The following PCBP3 variants were observed in gnomAD, a reference collection of about 807,000 sequenced individuals.
PCBP3 encodes poly(rC)-binding protein 3.
Under a neutral mutation model 52.7 loss-of-function variants are expected in PCBP3, and 25 were observed. That is an observed-to-expected ratio of 0.47 (90% CI 0.35 to 0.66). The LOEUF is 0.66. Among genes scored for constraint, PCBP3 ranks in the 30% least tolerant of loss-of-function variants. PCBP3 has a pLI of 0.01. For missense variants in PCBP3, 391 were observed against 490.3 expected (o/e 0.80, Z 1.91); for synonymous variants, 162 against 183.0 (o/e 0.89, Z 0.93).
chr21:45,933,120 T>A (rs1306388114), intron 15 of PCBP3, among the ~76,000 whole-genome samples: 4 of 152,026 alleles, frequency 2.6e-5, no homozygotes, highest in Non-Finnish European at 5.9e-5. Flanking sequence ...CATCCTGAGA[T>A]GAATGAACAC....
intron 1 of PCBP3, among the ~76,000 whole-genome samples, chr21:45,649,860 C>T (rs1306989340): frequency 6.6e-6 from 1 of 151,456 alleles, no homozygotes; most frequent in Non-Finnish European, 1.5e-5. Context: ...TTAATAAAAG[C>T]TTTTTAAAAA....
intron 4 of PCBP3, among the ~76,000 whole-genome samples, chr21:45,779,073 C>G (rs996826725): frequency 6.6e-6 from 1 of 152,224 alleles, no homozygotes; most frequent in Non-Finnish European, 1.5e-5. Flanking sequence ...AGCTTGTTCC[C>G]CAGTCCCAGC....
chr21:45,647,740 G>C (rs770800633), intron 1 of PCBP3, among the ~76,000 whole-genome samples: 2 of 152,144 alleles, frequency 1.3e-5, no homozygotes, highest in Non-Finnish European at 2.9e-5. Flanking sequence ...GGAGATGGAG[G>C]GGGGTGAAAG....
intron 4 of PCBP3, among the ~76,000 whole-genome samples, chr21:45,846,354 CTG>C (rs767878808): frequency 1.3e-5 from 2 of 151,808 alleles, no homozygotes; most frequent in Non-Finnish European, 2.9e-5. Flanking sequence ...CTGCTGTCTG[CTG>C]TCTGTGCCAT....
chr21:45,877,032 A>G (rs983641900), intron 5 of PCBP3, among the ~76,000 whole-genome samples: 1 of 152,250 alleles, frequency 6.6e-6, no homozygotes, highest in Non-Finnish European at 1.5e-5. Flanking sequence ...CTACACTCCA[A>G]GGCATCTCTA....
At chr21:45,759,937 G>A (rs984433508) in intron 4 of PCBP3, 2 of 152,140 alleles carry the variant, frequency 1.3e-5, no homozygotes, top group African/African-American at 4.8e-5. Context: ...GCTTCTTACT[G>A]GCACCAGTGG....
Position 45,883,094 on chromosome 21 carries a change from T to C in PCBP3, c.11-13114T>C, listed in dbSNP as rs550402753. On this transcript the variant is annotated intron_variant, in intron 5 of 17. Coordinates refer to ENST00000681687, the MANE Select transcript of PCBP3 (RefSeq NM_001384156.1). Reference sequence around the variant, plus strand: ...GTCCTGCGATTTTTGATATGCTGTGTTTTTATTTTCATTCAGGTCAATGTG... The same window carrying C: ...GTCCTGCGATTTTTGATATGCTGTGCTTTTATTTTCATTCAGGTCAATGTG... Among the ~76,000 whole-genome samples, 102 of 152,370 alleles carry C rather than the reference T, an allele frequency of 6.7e-4. 1 individual carries two copies. The highest frequency in any genetic ancestry group is 2.2e-3 in the African/African-American group (92 of 41,592).
intron 2 of PCBP3, among the ~76,000 whole-genome samples, chr21:45,718,909 A>G (rs915615971): frequency 6.6e-6 from 1 of 152,222 alleles, no homozygotes; most frequent in Non-Finnish European, 1.5e-5. Context: ...GGATAAAAGC[A>G]TAAGACTGGC....
chr21:45,738,866 T>G (rs2086108528), intron 3 of PCBP3, among the ~76,000 whole-genome samples: 1 of 121,002 alleles, frequency 8.3e-6, no homozygotes, highest in Non-Finnish European at 1.7e-5. Flanking sequence ...GTCCTCTGGG[T>G]AGCCCCCCTA....
intron 2 of PCBP3, among the ~76,000 whole-genome samples, chr21:45,674,729 G>A (rs921893717): frequency 2.0e-5 from 3 of 152,282 alleles, no homozygotes; most frequent in East Asian, 1.9e-4. Context: ...TATGATTAGT[G>A]TGGAGGCTGA....
At chr21:45,669,803 G>GTATATATA (rs1394969213) in intron 2 of PCBP3, among the ~76,000 whole-genome samples, 21 of 54,390 alleles carry the variant, frequency 3.9e-4, no homozygotes, top group Non-Finnish European at 5.8e-4. Flanking sequence ...GTGTGTGTGT[G>GTATATATA]TGTATATATA....
intron 13 of PCBP3, chr21:45,918,926 G>A (rs920604353): frequency 6.5e-6 from 1 of 153,562 alleles, no homozygotes; most frequent in African/African-American, 2.4e-5. Flanking sequence ...TTCCAGTGCT[G>A]GAGGAAGAAG....
chr21:45,776,347 G>A (rs568007779), intron 4 of PCBP3, among the ~76,000 whole-genome samples: 1 of 152,136 alleles, frequency 6.6e-6, no homozygotes, highest in South Asian at 2.1e-4. Context: ...TAAATCTAAT[G>A]TTTCTTTGTT....
chr21:45,731,011 A>G (rs1012152809), intron 2 of PCBP3, among the ~76,000 whole-genome samples: 3 of 152,196 alleles, frequency 2.0e-5, no homozygotes, highest in African/African-American at 7.2e-5. Flanking sequence ...TGTTGAGACC[A>G]TTCATATTTA....
At chr21:45,716,113 T>A (rs745719681) in intron 2 of PCBP3, among the ~76,000 whole-genome samples, 1 of 152,170 alleles carries the variant, frequency 6.6e-6, no homozygotes, top group Non-Finnish European at 1.5e-5. Flanking sequence ...AGTCCTTAGG[T>A]CTTTGATTCA....
chr21:45,666,280 A>G (rs927762778), intron 1 of PCBP3, among the ~76,000 whole-genome samples: 6 of 152,224 alleles, frequency 3.9e-5, no homozygotes, highest in Non-Finnish European at 5.9e-5. Context: ...CAGTCAGGTA[A>G]GAGAAAGAAA....
At chr21:45,697,484 C>T (rs933627574) in intron 2 of PCBP3, among the ~76,000 whole-genome samples, 1 of 152,150 alleles carries the variant, frequency 6.6e-6, no homozygotes, top group South Asian at 2.1e-4. Flanking sequence ...ATGGCTCATA[C>T]CTGCAGTTCC....
chr21:45,665,009 G>A (rs904961484), intron 1 of PCBP3, among the ~76,000 whole-genome samples: 3 of 151,946 alleles, frequency 2.0e-5, no homozygotes, highest in Non-Finnish European at 4.4e-5. Context: ...TCACCTTCAT[G>A]GTTAAATGTA....
rs1343279035 is a variant in PCBP3, at chr21:45,917,570, G to C, written c.676-18G>C. On this transcript the variant is annotated intron_variant, in intron 12 of 17. Transcript: ENST00000681687. The surrounding 1 kb of genome is among the most constrained non-coding windows in gnomAD (Gnocchi z 5.3). ...TGCAGCCAGGTTGCAGTCTGACGGG[G>C]TCTCTCTCTCTCTCTAGGCCTACAC... is the stretch of plus-strand genomic sequence containing the variant. 6 of 1,552,560 alleles carry C rather than the reference G, an allele frequency of 3.9e-6. No individual in the cohort carries two copies. The highest frequency in any genetic ancestry group is 3.5e-6 in the Non-Finnish European group (4 of 1,136,310).
Sources: allele counts gnomAD v4.1 joint callset (sites outside exome capture counted in the v4.1 genomes callset), GRCh38; gene constraint gnomAD v4.1.1; non-coding constraint Gnocchi (gnomAD v3.1); transcripts MANE v1.5; gene names NCBI Gene and HGNC (gene_info 2026-07-23, HGNC 2026-07-21).